Variants in CCSER1 observed in about 807,000 individuals in gnomAD.
The protein encoded by CCSER1 is serine-rich coiled-coil domain-containing protein 1.
A neutral mutation model predicts 82.0 loss-of-function variants in CCSER1; 41 were observed. The observed-to-expected ratio is 0.50, with a 90% CI of 0.39 to 0.65. The LOEUF is 0.65. Among genes scored for constraint, CCSER1 ranks in the 30% least tolerant of loss-of-function variants. CCSER1 has a pLI of 0.00. For missense variants in CCSER1, 1,119 were observed against 1,064.2 expected, an observed-to-expected ratio of 1.05 and a Z score of -0.72; for synonymous variants, 414 against 383.9, an observed-to-expected ratio of 1.08 and a Z score of -0.92.
At chr4:91,100,502 A>G (rs527639244) in intron 10 of CCSER1, among the ~76,000 whole-genome samples, 1 of 152,306 alleles carries the variant, frequency 6.6e-6, no homozygotes, top group Non-Finnish European at 1.5e-5. Context: ...ACAATCAATG[A>G]TATCCTATGC....
chr4:91,041,356 T>A (rs529928869), intron 9 of CCSER1, among the ~76,000 whole-genome samples: 2 of 152,338 alleles, frequency 1.3e-5, no homozygotes, highest in South Asian at 4.1e-4. Context: ...ATCTTAGAAA[T>A]GGCAAATTAT....
At position 91,601,496 on chromosome 4, in the gene CCSER1, C is replaced by A. The variant is rs1360709219; in HGVS notation, c.*2439C>A. 6.6e-6 allele frequency: 1 copy of A among 151,992 alleles called. No homozygotes were observed. The highest frequency in any genetic ancestry group is 2.4e-5 in the African/African-American group (1 of 41,428). 9.4% of individuals were successfully genotyped at this position (151,992 alleles called of 1,614,324 possible). A position where few individuals can be genotyped will look rare whatever the true frequency, so the allele number is the denominator to read the frequency against. On this transcript the variant is annotated 3_prime_UTR_variant, in exon 11 of 11. Coordinates refer to ENST00000509176, the MANE Select transcript of CCSER1 (RefSeq NM_001145065.2). Reference sequence around the variant, plus strand: ...CATCAGTAACTGTAAAACAGGGGTTCTTTGTAAGTTCCTCTTGTGTATATA... The same window carrying A: ...CATCAGTAACTGTAAAACAGGGGTTATTTGTAAGTTCCTCTTGTGTATATA...
At chr4:90,846,275 TAAAG>T (rs1763227357) in intron 8 of CCSER1, among the ~76,000 whole-genome samples, 1 of 152,196 alleles carries the variant, frequency 6.6e-6, no homozygotes, top group Non-Finnish European at 1.5e-5. Flanking sequence ...TACTCCATCT[TAAAG>T]AAAGAAATGC....
chr4:90,220,998 A>G (rs1742040963), intron 1 of CCSER1, among the ~76,000 whole-genome samples: 1 of 152,200 alleles, frequency 6.6e-6, no homozygotes, highest in Non-Finnish European at 1.5e-5. Flanking sequence ...CATTTTGAAG[A>G]TGATTTAGAA....
intron 5 of CCSER1, among the ~76,000 whole-genome samples, chr4:90,558,011 T>C (rs1000548702): frequency 2.0e-5 from 3 of 152,182 alleles, no homozygotes; most frequent in African/African-American, 7.2e-5. Context: ...TAGGGTTTAT[T>C]TGCTGCTAGG....
At chr4:90,490,957 A>G (rs568403955) in intron 5 of CCSER1, among the ~76,000 whole-genome samples, 1 of 152,282 alleles carries the variant, frequency 6.6e-6, no homozygotes, top group African/African-American at 2.4e-5. Context: ...AGGTAGCATA[A>G]TGCCTCCAGC....
Position 90,912,565 on chromosome 4 carries a change from C to T in CCSER1, c.2095-10805C>T, listed in dbSNP as rs544543146. Reference sequence around the variant, plus strand: ...AAACAGAGCAGAAAAACTGAAAATTCTAAAAATCAGAGCACTTCTCCTCCT... The same window carrying T: ...AAACAGAGCAGAAAAACTGAAAATTTTAAAAATCAGAGCACTTCTCCTCCT... On this transcript the variant is annotated intron_variant, in intron 8 of 10. Coordinates refer to ENST00000509176, the MANE Select transcript of CCSER1 (RefSeq NM_001145065.2). 1.8e-4 allele frequency among the ~76,000 whole-genome samples: 27 copies of T among 152,200 alleles called. No homozygotes were observed. The East Asian group carries it at 2.5e-3, about 14-fold the overall frequency.
intron 3 of CCSER1, among the ~76,000 whole-genome samples, chr4:90,383,461 A>G (rs115062214): frequency 0.011 from 1,718 of 152,318 alleles, 32 homozygotes; most frequent in African/African-American, 0.04. Context: ...TTGGGAAGTC[A>G]TAAGGAAAGA....
intron 1 of CCSER1, among the ~76,000 whole-genome samples, chr4:90,271,854 ATATATATATTTTTTTTTTTTTTT>A (rs1726495393): frequency 3.9e-5 from 1 of 25,682 alleles, no homozygotes; most frequent in African/African-American, 3.4e-4. Flanking sequence ...ATATATATAT[ATATATATATTTTTTTTTTTTTTT>A]TTTTTTTTTT....
rs1332942963 is a variant in CCSER1, at chr4:91,013,884, G to A, written c.2173-72066G>A. Among the ~76,000 whole-genome samples the A allele has an allele frequency of 1.5e-5, 2 of 130,206 alleles. 1 individual carries two copies. The highest frequency in any genetic ancestry group is 1.6e-4 in the Admixed American group (2 of 12,864). 85.4% of individuals were successfully genotyped at this position (130,206 alleles called of 152,430 possible). A position where few individuals can be genotyped will look rare whatever the true frequency, so the allele number is the denominator to read the frequency against. On this transcript the variant is annotated intron_variant, in intron 9 of 10. Coordinates refer to ENST00000509176, the MANE Select transcript of CCSER1 (RefSeq NM_001145065.2). ...GATCCGCCTCTCTTAGCCTCCCAAA[G>A]TGCTGGGATTACAGATGTGAGCCAC...
chr4:90,443,249 C>T (rs565588343), intron 4 of CCSER1, among the ~76,000 whole-genome samples: 39 of 152,090 alleles, frequency 2.6e-4, no homozygotes, highest in Non-Finnish European at 2.9e-4. Flanking sequence ...AAAGGGAGCA[C>T]TTTACAGCTT....
intron 7 of CCSER1, among the ~76,000 whole-genome samples, chr4:90,782,681 C>T (rs1257466001): frequency 4.0e-4 from 50 of 123,958 alleles, no homozygotes; most frequent in African/African-American, 1.4e-3. Context: ...TCTTTTCTTT[C>T]TTTCTTTTTT....
intron 10 of CCSER1, among the ~76,000 whole-genome samples, chr4:91,154,561 A>G (rs1730608159): frequency 6.6e-6 from 1 of 152,022 alleles, no homozygotes; most frequent in African/African-American, 2.4e-5. Flanking sequence ...CTCCAGTGAG[A>G]TGAACCTGGT....
At chr4:90,587,063 A>G (rs1425761156) in intron 5 of CCSER1, among the ~76,000 whole-genome samples, 1 of 152,216 alleles carries the variant, frequency 6.6e-6, no homozygotes, top group East Asian at 1.9e-4. Context: ...GTAATGTGAT[A>G]AGGACTCAAT....
rs189769083 is a variant in CCSER1, at chr4:91,384,521, T to C, written c.2218-214051T>C. 4.6e-4 allele frequency among the ~76,000 whole-genome samples: 70 copies of C among 152,152 alleles called. No homozygotes were observed. The Middle Eastern group carries it at 0.014, about 30-fold the overall frequency. On this transcript the variant is annotated intron_variant, in intron 10 of 10. Transcript: ENST00000509176. ...GCTGTTAGGATAACAAAATGTCATT[T>C]AGGATAAGATACAATTAGATATATT...
chr4:90,855,775 A>G (rs1764393936), intron 8 of CCSER1, among the ~76,000 whole-genome samples: 1 of 152,156 alleles, frequency 6.6e-6, no homozygotes, highest in Admixed American at 6.6e-5. Flanking sequence ...TAATTATTTG[A>G]AATCACTTCA....
chr4:90,522,113 G>T (rs1773213905), intron 5 of CCSER1, among the ~76,000 whole-genome samples: 1 of 152,098 alleles, frequency 6.6e-6, no homozygotes, highest in Non-Finnish European at 1.5e-5. Context: ...TTGAGTTTCA[G>T]AACTTTATAT....
chr4:91,086,085 G>A (rs762865448), intron 10 of CCSER1, 91 bp downstream of exon 10: 9 of 770,062 alleles, frequency 1.2e-5, no homozygotes, highest in Non-Finnish European at 1.8e-5. Flanking sequence ...CGATAATTAC[G>A]TTGATAATGG....
intron 10 of CCSER1, among the ~76,000 whole-genome samples, chr4:91,268,392 G>A (rs190832490): frequency 1.6e-4 from 25 of 152,236 alleles, no homozygotes; most frequent in African/African-American, 5.8e-4. Flanking sequence ...AGAATATAAA[G>A]GAAATTATCT....
Sources: gnomAD v4.1 joint callset for allele counts (sites outside exome capture counted in the v4.1 genomes callset) on GRCh38, gnomAD v4.1.1 for gene constraint, MANE v1.5 for transcripts, NCBI Gene and HGNC (gene_info 2026-07-23, HGNC 2026-07-21) for gene names.